PALLD: variants seen among roughly 807,000 people sequenced by gnomAD.
PALLD encodes palladin, cytoskeletal associated protein, also known as palladin.
In PALLD, 61 loss-of-function variants were observed where a neutral mutation model predicts 123.5. The observed-to-expected ratio is 0.49, with a 90% CI of 0.40 to 0.61. The LOEUF is 0.61. PALLD is among the 20% of genes least tolerant of loss of function. PALLD has a pLI of 0.00. For missense variants in PALLD, 1,273 were observed against 1,377.0 expected (o/e 0.92, Z 1.20); for synonymous variants, 465 against 496.4 (o/e 0.94, Z 0.84).
chr4:168,839,171 C>T (rs984095203), intron 10 of PALLD, among the ~76,000 whole-genome samples: 32 of 152,136 alleles, frequency 2.1e-4, no homozygotes, highest in African/African-American at 6.3e-4. Flanking sequence ...TCAGGCTGGT[C>T]TTGAACTCTT....
At chr4:168,776,706 G>A (rs1735214462) in intron 10 of PALLD, among the ~76,000 whole-genome samples, 1 of 152,246 alleles carries the variant, frequency 6.6e-6, no homozygotes, top group South Asian at 2.1e-4. Flanking sequence ...TTTTTATCAG[G>A]ATGTTGGATT....
intron 8 of PALLD, among the ~76,000 whole-genome samples, chr4:168,695,658 A>T (rs1314966307): frequency 6.6e-6 from 1 of 152,196 alleles, no homozygotes; most frequent in Non-Finnish European, 1.5e-5. Context: ...TGGCTCATCC[A>T]ATCTGATTCC....
intron 10 of PALLD, among the ~76,000 whole-genome samples, chr4:168,731,358 G>A (rs2150308710): frequency 1.3e-5 from 2 of 152,294 alleles, no homozygotes; most frequent in African/African-American, 4.8e-5. Flanking sequence ...TCCAGCTAAA[G>A]AAAGCAGTAT....
chr4:168,514,752 C>G (rs1386981526), intron 2 of PALLD, among the ~76,000 whole-genome samples: 1 of 152,136 alleles, frequency 6.6e-6, no homozygotes, highest in Non-Finnish European at 1.5e-5. Flanking sequence ...ACATTTACTT[C>G]CAAAATAACC....
chr4:168,581,269 G>A (rs989972870), intron 2 of PALLD, among the ~76,000 whole-genome samples: 3 of 151,942 alleles, frequency 2.0e-5, no homozygotes, highest in African/African-American at 7.3e-5. Context: ...TATATACCTG[G>A]AAGCAGGATT....
chr4:168,803,200 G>A (rs567045952), intron 10 of PALLD, among the ~76,000 whole-genome samples: 35 of 152,268 alleles, frequency 2.3e-4, no homozygotes, highest in African/African-American at 6.7e-4. Flanking sequence ...GCATGGCTGC[G>A]TGGCTGGGAG....
chr4:168,828,808 G>C (rs6815380), intron 10 of PALLD: 101,032 of 152,208 alleles, frequency 0.66, 33,904 homozygotes, highest in Non-Finnish European at 0.7. Flanking sequence ...GAGATGCACG[G>C]CCTAAAGCAG....
rs142452607 is a variant in PALLD at position 168,569,067 on chromosome 4, C to A, written c.908+56655C>A. On this transcript the variant is annotated intron_variant, in intron 2 of 21. Transcript: ENST00000505667. ...ACAGCTGTTAAAATTCGGACAGTGA[C>A]AGAGAAATATCTGTAGCAGCTCTAC... Among the ~76,000 whole-genome samples the A allele has an allele frequency of 4.1e-4, 62 of 152,158 alleles. 1 individual carries two copies. Among genetic ancestry groups the A allele is most frequent in the African/African-American group, 1.4e-3 (58 of 41,522 alleles).
chr4:168,911,983 G>A (rs370975011), intron 15 of PALLD, among the ~76,000 whole-genome samples: 7 of 152,022 alleles, frequency 4.6e-5, no homozygotes, highest in African/African-American at 1.7e-4. Flanking sequence ...ATTCCTATGT[G>A]TCTTTGCCTT....
chr4:168,904,367 A>G (rs1757177168), intron 15 of PALLD: 1 of 164,408 alleles, frequency 6.1e-6, no homozygotes, highest in African/African-American at 2.4e-5. Context: ...GTGCAAATGT[A>G]GACAAATGAT....
intron 10 of PALLD, among the ~76,000 whole-genome samples, chr4:168,730,754 A>G (rs549243765): frequency 6.6e-6 from 1 of 152,230 alleles, no homozygotes; most frequent in East Asian, 1.9e-4. Flanking sequence ...GGCAGGTAAC[A>G]TGCTTGGCAG....
chr4:168,514,083 C>G (rs1313892177), intron 2 of PALLD, among the ~76,000 whole-genome samples: 1 of 151,758 alleles, frequency 6.6e-6, no homozygotes, highest in African/African-American at 2.4e-5. Flanking sequence ...TCCACTCCAG[C>G]CTGGGTGACA....
Position 168,926,482 on chromosome 4 carries a change from G to A in PALLD, c.*302G>A. 1.3e-6 allele frequency: 1 copy of A among 775,014 alleles called. No individual in the cohort carries two copies. Among genetic ancestry groups the A allele is most frequent in the East Asian group, 2.9e-5 (1 of 34,260 alleles). The allele number at this position is 775,014 out of a possible 1,614,324, so 48.0% of individuals were successfully genotyped here. ...ATGTAAAAGGCAGAAACATACCTTT[G>A]ACTATAAGAAATTAAAAAAAAAACA... On this transcript the variant is annotated 3_prime_UTR_variant, in exon 22 of 22. Transcript: ENST00000505667.
intron 10 of PALLD, among the ~76,000 whole-genome samples, chr4:168,830,133 G>A (rs1375612180): frequency 1.3e-5 from 2 of 151,332 alleles, no homozygotes; most frequent in South Asian, 2.1e-4. Flanking sequence ...TTGGGAGGCT[G>A]AGGCAGGAGA....
At chr4:168,712,111 C>T in intron 10 of PALLD, 188 bp downstream of exon 10, 1 of 630,420 alleles carries the variant, frequency 1.6e-6, no homozygotes, top group Non-Finnish European at 2.8e-6. Context: ...AAATGAAAAG[C>T]TTGGTGAAAT....
chr4:168,766,941 C>A (rs1291173226), intron 10 of PALLD, among the ~76,000 whole-genome samples: 2 of 152,168 alleles, frequency 1.3e-5, no homozygotes, highest in African/African-American at 4.8e-5. Flanking sequence ...AAGATGGCTG[C>A]AATGACCCTG....
intron 15 of PALLD, among the ~76,000 whole-genome samples, chr4:168,909,576 TC>T (rs1296769234): frequency 6.6e-6 from 1 of 152,194 alleles, no homozygotes; most frequent in African/African-American, 2.4e-5. Flanking sequence ...TTATAAGGTT[TC>T]CTGGCTCATT....
At chr4:168,899,262 C>G (rs1389738083) in intron 14 of PALLD, among the ~76,000 whole-genome samples, 4 of 152,166 alleles carry the variant, frequency 2.6e-5, no homozygotes, top group African/African-American at 9.7e-5. Flanking sequence ...GATGGGAGCT[C>G]TCTCCATACA....
At chr4:168,635,379 G>A (rs1427714261) in intron 2 of PALLD, among the ~76,000 whole-genome samples, 1 of 152,208 alleles carries the variant, frequency 6.6e-6, no homozygotes, top group African/African-American at 2.4e-5. Context: ...CTTCGTTTGT[G>A]AGACTAAGCA....
Sources: gnomAD v4.1 joint callset for allele counts (sites outside exome capture counted in the v4.1 genomes callset) on GRCh38, gnomAD v4.1.1 for gene constraint, MANE v1.5 for transcripts, NCBI Gene and HGNC (gene_info 2026-07-23, HGNC 2026-07-21) for gene names.